The following SRGAP1 variants were observed in gnomAD, a reference collection of about 807,000 sequenced individuals.
SRGAP1 encodes the protein SLIT-ROBO Rho GTPase-activating protein 1.
A neutral mutation model predicts 121.9 loss-of-function variants in SRGAP1; 43 were observed. The observed-to-expected ratio is 0.35, with a 90% CI of 0.28 to 0.46. SRGAP1 has a LOEUF of 0.46. SRGAP1 is among the 20% of genes least tolerant of loss of function. The pLI, the probability that SRGAP1 is intolerant of heterozygous loss-of-function variation, is 1.00. For synonymous variants in SRGAP1, 447 were observed against 485.4 expected (o/e 0.92, Z 1.04); for missense variants, 1,102 against 1,350.9 (o/e 0.82, Z 2.89).
chr12:63,849,717 T>C (rs1027792655), intron 1 of SRGAP1, among the ~76,000 whole-genome samples: 1 of 152,224 alleles, frequency 6.6e-6, no homozygotes, highest in Non-Finnish European at 1.5e-5. Flanking sequence ...ATTTAAGTTA[T>C]GAATTAAAAC....
At chr12:63,925,231 AGGTGAATC>A (rs2031215592) in intron 1 of SRGAP1, among the ~76,000 whole-genome samples, 1 of 152,214 alleles carries the variant, frequency 6.6e-6, no homozygotes, top group Non-Finnish European at 1.5e-5. Context: ...TTCATATTCA[AGGTGAATC>A]TACTGCTGAC....
intron 17 of SRGAP1, among the ~76,000 whole-genome samples, chr12:64,115,184 G>T (rs1458000201): frequency 6.6e-6 from 1 of 151,432 alleles, no homozygotes; most frequent in African/African-American, 2.5e-5. Flanking sequence ...GTAAAAAACT[G>T]GTCTATCCAT....
At chr12:64,017,300 A>G (rs551549755) in intron 4 of SRGAP1, among the ~76,000 whole-genome samples, 9 of 152,360 alleles carry the variant, frequency 5.9e-5, no homozygotes, top group Non-Finnish European at 1.0e-4. Context: ...AGATGTCTCC[A>G]TAAGATATGT....
chr12:63,867,172 A>G (rs1296359518), intron 1 of SRGAP1, among the ~76,000 whole-genome samples: 1 of 152,230 alleles, frequency 6.6e-6, no homozygotes, highest in East Asian at 1.9e-4. Context: ...TTCTTTATTC[A>G]GAAAATCTTG....
At chr12:63,930,700 G>T (rs191249927) in intron 1 of SRGAP1, among the ~76,000 whole-genome samples, 1 of 152,042 alleles carries the variant, frequency 6.6e-6, no homozygotes, top group Non-Finnish European at 1.5e-5. Context: ...GAGCGAGTGA[G>T]TGAATTGTTT....
intron 1 of SRGAP1, among the ~76,000 whole-genome samples, chr12:63,932,420 A>G (rs2031511992): frequency 1.3e-5 from 2 of 152,356 alleles, no homozygotes; most frequent in East Asian, 3.9e-4. Flanking sequence ...AAAAAAGGCC[A>G]TACAAAGAAA....
At chr12:63,894,713 C>T (rs1900697161) in intron 1 of SRGAP1, among the ~76,000 whole-genome samples, 1 of 152,088 alleles carries the variant, frequency 6.6e-6, no homozygotes, top group Non-Finnish European at 1.5e-5. Context: ...TGAGTGAGAA[C>T]ATACGGTGTT....
chr12:63,875,362 G>T (rs1899996116), intron 1 of SRGAP1, among the ~76,000 whole-genome samples: 1 of 152,018 alleles, frequency 6.6e-6, no homozygotes, highest in Non-Finnish European at 1.5e-5. Context: ...CTGCTTTTTA[G>T]CAGGAAGGTC....
Position 64,093,221 on chromosome 12 carries a change from T to C in SRGAP1, c.1540-1711T>C, listed in dbSNP as rs555629538. Among the ~76,000 whole-genome samples the C allele has an allele frequency of 7.6e-4, 116 of 152,152 alleles. 1 individual carries two copies. The highest frequency in any genetic ancestry group is 2.7e-3 in the African/African-American group (112 of 41,526). The stretch of plus-strand genomic sequence containing the variant: ...TTCTTATAAAATATTTTCTTATGTT[T>C]TCTACCCATGCATCTGAAATCTGTA... On this transcript the variant is annotated intron_variant, in intron 12 of 21. Transcript: ENST00000355086.
At chr12:64,016,336 A>G (rs2034400901) in intron 3 of SRGAP1, among the ~76,000 whole-genome samples, 1 of 151,908 alleles carries the variant, frequency 6.6e-6, no homozygotes, top group Non-Finnish European at 1.5e-5. Context: ...AAAATATAAA[A>G]ACTAGTTGGG....
rs1474270690 is a variant in SRGAP1, at chr12:64,158,688, C to G, written c.*16016C>G. 6.6e-6 allele frequency: 1 copy of G among 152,112 alleles called. No individual in the cohort carries two copies. Among genetic ancestry groups the G allele is most frequent in the Admixed American group, 6.5e-5 (1 of 15,278 alleles). The allele number at this position is 152,112 out of a possible 1,614,324, so 9.4% of individuals were successfully genotyped here. A position where few individuals can be genotyped will look rare whatever the true frequency, so the allele number is the denominator to read the frequency against. On this transcript the variant is annotated 3_prime_UTR_variant, in exon 22 of 22. Coordinates refer to ENST00000355086, the MANE Select transcript of SRGAP1 (RefSeq NM_020762.4). Reference sequence around the variant, plus strand: ...TCGGGAGGCTGAGGCAGAAGTATCACTTGAACCCGGGAGGTGGACGTTGCA... The same window carrying G: ...TCGGGAGGCTGAGGCAGAAGTATCAGTTGAACCCGGGAGGTGGACGTTGCA...
chr12:64,072,768 G>T (rs1593101069), intron 8 of SRGAP1, among the ~76,000 whole-genome samples: 2 of 152,290 alleles, frequency 1.3e-5, no homozygotes, highest in East Asian at 1.9e-4. Flanking sequence ...GCCTTAGCAG[G>T]CTAACACAGT....
chr12:63,928,653 TG>T (rs1366882446), intron 1 of SRGAP1, among the ~76,000 whole-genome samples: 7 of 148,650 alleles, frequency 4.7e-5, no homozygotes, highest in African/African-American at 1.7e-4. Context: ...TTCCATGGAC[TG>T]GGGGTGGGGG....
intron 1 of SRGAP1, among the ~76,000 whole-genome samples, chr12:63,854,003 G>A (rs963727375): frequency 3.7e-4 from 56 of 152,188 alleles, no homozygotes; most frequent in African/African-American, 1.2e-3. Flanking sequence ...GGGAGAGCAA[G>A]CTTGCTTCTT....
chr12:63,991,837 T>G (rs1180079796), intron 3 of SRGAP1, among the ~76,000 whole-genome samples: 1 of 152,208 alleles, frequency 6.6e-6, no homozygotes, highest in African/African-American at 2.4e-5. Flanking sequence ...ATTTATCCAT[T>G]CAACAAAGCA....
intron 1 of SRGAP1, among the ~76,000 whole-genome samples, chr12:63,896,929 C>A (rs528786029): frequency 8.5e-5 from 13 of 152,262 alleles, no homozygotes; most frequent in African/African-American, 3.1e-4. Context: ...AAATACTTTA[C>A]CCTGGGTTTC....
At chr12:64,130,655 G>A (rs2036770930) in intron 21 of SRGAP1, among the ~76,000 whole-genome samples, 2 of 152,210 alleles carry the variant, frequency 1.3e-5, no homozygotes, top group South Asian at 2.1e-4. Flanking sequence ...GCTTCAGGAT[G>A]ATAGGGAGCA....
chr12:64,125,863 T>C lies in SRGAP1; in HGVS notation c.2225-114T>C, dbSNP rs375509559. Reference sequence around the variant, plus strand: ...ATAATATGTTGATGACTCTGTTCAGTCTAGATATTAAAATGGTCTTGATCA... The same window carrying C: ...ATAATATGTTGATGACTCTGTTCAGCCTAGATATTAAAATGGTCTTGATCA... On this transcript the variant is annotated intron_variant, in intron 18 of 21. Transcript: ENST00000355086. 1.8e-5 allele frequency: 18 copies of C among 1,015,208 alleles called. No individual in the cohort carries two copies. The South Asian group carries it at 2.8e-4, about 16-fold the overall frequency. 62.9% of individuals were successfully genotyped at this position (1,015,208 alleles called of 1,614,324 possible). A position where few individuals can be genotyped will look rare whatever the true frequency, so the allele number is the denominator to read the frequency against.
At chr12:63,883,735 T>G (rs1026079094) in intron 1 of SRGAP1, among the ~76,000 whole-genome samples, 2 of 150,912 alleles carry the variant, frequency 1.3e-5, no homozygotes, top group African/African-American at 2.4e-5. Context: ...CTCGGCTCAC[T>G]GCAAGCTCCA....
Sources: allele counts gnomAD v4.1 joint callset (sites outside exome capture counted in the v4.1 genomes callset), GRCh38; gene constraint gnomAD v4.1.1; transcripts MANE v1.5; gene names NCBI Gene and HGNC (gene_info 2026-07-23, HGNC 2026-07-21).